The following GUCY2F variants were observed in gnomAD, a reference collection of about 807,000 sequenced individuals.
The protein encoded by GUCY2F is guanylate cyclase 2F, retinal.
A neutral mutation model predicts 73.1 loss-of-function variants in GUCY2F; 61 were observed. The observed-to-expected ratio is 0.83, with a 90% CI of 0.68 to 1.03. The LOEUF is 1.03. GUCY2F is among the 50% of genes least tolerant of loss of function. The probability of loss-of-function intolerance (pLI) is 0.00; values close to 1 mark genes in which losing one functional copy is unlikely to be tolerated. For missense variants in GUCY2F, 912 were observed against 854.3 expected (o/e 1.07, Z -0.84); for synonymous variants, 331 against 307.8 (o/e 1.08, Z -0.79).
intron 8 of GUCY2F, among the ~76,000 whole-genome samples, chrX:109,416,678 A>G (rs1405119753): frequency 9.0e-6 from 1 of 111,114 alleles, no homozygotes; most frequent in East Asian, 2.8e-4. Flanking sequence ...ATTGAACTTC[A>G]AACAGAATAA....
At chrX:109,422,080 A>G (rs1931384332) in intron 8 of GUCY2F, among the ~76,000 whole-genome samples, 1 of 111,855 alleles carries the variant, frequency 8.9e-6, no homozygotes, top group Non-Finnish European at 1.9e-5. Flanking sequence ...GGGATAGGAT[A>G]AATTACTGAA....
chrX:109,481,042 A>AG (rs1932761185), intron 1 of GUCY2F, among the ~76,000 whole-genome samples: 1 of 40,184 alleles, frequency 2.5e-5, no homozygotes, highest in African/African-American at 1.2e-4. Context: ...AAGGGAGAGA[A>AG]GAAGGAAGGA....
chrX:109,413,326 C>A (rs1447461014), intron 8 of GUCY2F, among the ~76,000 whole-genome samples: 1 of 112,132 alleles, frequency 8.9e-6, no homozygotes, highest in Non-Finnish European at 1.9e-5. Context: ...TAATACCTAT[C>A]TGGCTGGCTA....
At position 109,470,921 on chromosome X, in the gene GUCY2F, C is replaced by A. The variant is rs772098510; in HGVS notation, c.730+4286G>T. 1.6e-4 allele frequency among the ~76,000 whole-genome samples: 18 copies of A among 111,933 alleles called. No individual in the cohort carries two copies. The South Asian group carries it at 6.7e-3, about 42-fold the overall frequency. ...AAGTCTTATTCATAAAGTAGGTAAA[C>A]AATAATTGCCCTTACTTAATAGGGG... On this transcript the variant is annotated intron_variant, in intron 2 of 19. Transcript: ENST00000218006.
chrX:109,475,468 C>T lies in GUCY2F; in HGVS notation c.469G>A (p.Asp157Asn). Residue 157 changes from aspartate (D) to asparagine (N), a missense_variant, in exon 2 of 20, where the codon GAC becomes AAC. Asp to Asn is a conservative substitution (Grantham distance 23, BLOSUM62 1). Transcript: ENST00000218006. ...AAGGTCGGGTAGCTAATTTTATTGT[C>T]TAATTCATAATTCACACAAGCCCAA... ...FSWACVNYEL[D>N]NKISYPTFSR... is the part of the protein sequence containing the mutation. 8.3e-7 allele frequency: 1 copy of T among 1,211,204 alleles called. No individual in the cohort carries two copies. Among genetic ancestry groups the T allele is most frequent in the South Asian group, 1.8e-5 (1 of 56,967 alleles).
rs1240929379 is a variant in GUCY2F, at chrX:109,475,242, G to T, written c.695C>A (p.Ala232Asp). The T allele has an allele frequency of 1.7e-6, 2 of 1,209,058 alleles. No homozygotes were observed. Among genetic ancestry groups the T allele is most frequent in the South Asian group, 1.8e-5 (1 of 56,767 alleles). Residue 232 changes from alanine to aspartate, a missense_variant, in exon 2 of 20, where the codon GCC (alanine) becomes GAC (aspartate). Ala to Asp is a moderately radical substitution (Grantham distance 126). Coordinates refer to ENST00000218006, the MANE Select transcript of GUCY2F (RefSeq NM_001522.3). Reference sequence around the variant, plus strand: ...GTCTGCCTGGTGAATCCTCTGGAGGGCTTTCCGCATGCTTTGGCTGTCTTG... The same window carrying T: ...GTCTGCCTGGTGAATCCTCTGGAGGTCTTTCCGCATGCTTTGGCTGTCTTG... Reference protein sequence around the residue: ...TGQDSQSMRKALQRIHQADRI... With the variant: ...TGQDSQSMRKDLQRIHQADRI...
chrX:109,471,496 G>A (rs1932573734), intron 2 of GUCY2F, among the ~76,000 whole-genome samples: 1 of 112,202 alleles, frequency 8.9e-6, no homozygotes, highest in Non-Finnish European at 1.9e-5. Flanking sequence ...CTTCCAACAG[G>A]GTTCATGGTT....
At chrX:109,390,880 T>TC (rs1930544390) in intron 14 of GUCY2F, among the ~76,000 whole-genome samples, 1 of 112,673 alleles carries the variant, frequency 8.9e-6, no homozygotes, top group East Asian at 2.8e-4. Context: ...TTTAGGTGGC[T>TC]TGGCCTAGCC....
chrX:109,452,184 C>T lies in GUCY2F; in HGVS notation c.1388-77G>A, dbSNP rs927244456. The T allele has an allele frequency of 1.2e-5, 7 of 594,591 alleles. No homozygotes were observed. The Admixed American group carries it at 1.5e-4, about 13-fold the overall frequency. 49.0% of individuals were successfully genotyped at this position (594,591 alleles called of 1,213,427 possible). On this transcript the variant is annotated intron_variant, in intron 4 of 19. Coordinates refer to ENST00000218006, the MANE Select transcript of GUCY2F (RefSeq NM_001522.3). ...AAATAAAGGGCACCACAGAGTGACT[C>T]CTCATGCTTTCTGGTGACTCTAATA...
At chrX:109,378,150 T>A (rs914563179) in intron 17 of GUCY2F, among the ~76,000 whole-genome samples, 3 of 111,811 alleles carry the variant, frequency 2.7e-5, no homozygotes, top group Non-Finnish European at 5.6e-5. Flanking sequence ...CATTTTGGTA[T>A]CTCCTATCTT....
At chrX:109,450,621 T>A (rs907501835) in intron 5 of GUCY2F, among the ~76,000 whole-genome samples, 1 of 112,639 alleles carries the variant, frequency 8.9e-6, no homozygotes, top group African/African-American at 3.2e-5. Context: ...ATTAAATTTC[T>A]GTTCTTAGCA....
chrX:109,433,415 G>A (rs1931660017), intron 7 of GUCY2F, among the ~76,000 whole-genome samples: 1 of 112,186 alleles, frequency 8.9e-6, no homozygotes, highest in East Asian at 2.8e-4. Flanking sequence ...GGTAGTAAAA[G>A]AGCCGCAAAT....
chrX:109,393,034 TC>T lies in GUCY2F; in HGVS notation c.2445del (p.Lys816ArgfsTer23), dbSNP rs1930608348. 9.1e-7 allele frequency: 1 copy of T among 1,100,420 alleles called. No homozygotes were observed. Among genetic ancestry groups the T allele is most frequent in the Non-Finnish European group, 1.3e-6 (1 of 799,412 alleles). The allele number at this position is 1,100,420 out of a possible 1,213,427, so 90.7% of individuals were successfully genotyped here. A position where few individuals can be genotyped will look rare whatever the true frequency, so the allele number is the denominator to read the frequency against. On this transcript the variant is annotated frameshift_variant, in exon 13 of 20. Coordinates refer to ENST00000218006, the MANE Select transcript of GUCY2F (RefSeq NM_001522.3). LOFTEE classifies it high-confidence loss of function. ...ATAGAATCAATAATATTGGTCTTCTTCCCTTTATTAAAAGTTTTAAACTGGA... is the reference window on the plus strand; with the variant it reads ...ATAGAATCAATAATATTGGTCTTCTTCCTTTATTAAAAGTTTTAAACTGGA... ...IFNQFKTFNKGKKTNIIDSML... is the reference protein window; with the variant it reads ...IFNQFKTFNKXKKTNIIDSML...
chrX:109,433,431 C>G (rs1320669180), intron 7 of GUCY2F, among the ~76,000 whole-genome samples: 1 of 112,165 alleles, frequency 8.9e-6, no homozygotes, highest in Non-Finnish European at 1.9e-5. Context: ...CAAATTGACC[C>G]AAGGTCTTCC....
At chrX:109,400,014 G>A (rs1046192804) in intron 10 of GUCY2F, among the ~76,000 whole-genome samples, 11 of 110,096 alleles carry the variant, frequency 1.0e-4, no homozygotes, top group Non-Finnish European at 2.1e-4. Context: ...GAGAGGCCCT[G>A]AGAGCCAAAT....
chrX:109,463,433 C>CTTTTTT (rs755756631), intron 3 of GUCY2F, among the ~76,000 whole-genome samples: 1 of 83,987 alleles, frequency 1.2e-5, no homozygotes, highest in Admixed American at 1.3e-4. Context: ...TTTCCTCACT[C>CTTTTTT]TTTTTTTTTT....
intron 2 of GUCY2F, 113 bp from the exon 3 acceptor site, chrX:109,465,556 T>C: frequency 1.3e-5 from 7 of 541,810 alleles, no homozygotes; most frequent in Non-Finnish European, 2.2e-5. Context: ...AGTGGTTTCT[T>C]ATGCCTCCAA....
At chrX:109,453,421 T>C in intron 4 of GUCY2F, 84 bp downstream of exon 4, 1 of 519,045 alleles carries the variant, frequency 1.9e-6, no homozygotes, top group South Asian at 3.2e-5. Context: ...AGTGTTTCAA[T>C]ATTAAAATGT....
chrX:109,412,354 T>C (rs1931132031), intron 8 of GUCY2F, among the ~76,000 whole-genome samples: 1 of 111,507 alleles, frequency 9.0e-6, no homozygotes, highest in Admixed American at 9.5e-5. Flanking sequence ...GAATATGAGC[T>C]TGCTTCTTAG....
Sources: gnomAD v4.1 joint callset for allele counts (sites outside exome capture counted in the v4.1 genomes callset) on GRCh38, gnomAD v4.1.1 for gene constraint, MANE v1.5 for transcripts, NCBI Gene and HGNC (gene_info 2026-07-23, HGNC 2026-07-21) for gene names.